The following SPTAN1 variants were observed in gnomAD, a reference collection of about 807,000 sequenced individuals.
SPTAN1 encodes the protein spectrin alpha chain, non-erythrocytic 1.
A neutral mutation model predicts 331.3 loss-of-function variants in SPTAN1; 61 were observed. That is an observed-to-expected ratio of 0.18 (90% CI 0.15 to 0.23). The LOEUF (loss-of-function observed/expected upper bound fraction) is 0.23, where lower values mean the gene tolerates loss of function less well. Among genes scored for constraint, SPTAN1 ranks in the 10% least tolerant of loss-of-function variants. SPTAN1 has a pLI of 1.00. For synonymous variants in SPTAN1, 1,153 were observed against 1,173.9 expected (o/e 0.98, Z 0.36); for missense variants, 2,043 against 3,147.9 (o/e 0.65, Z 8.40).
chr9:128,571,676 T>G (rs992243451), intron 3 of SPTAN1, among the ~76,000 whole-genome samples: 2 of 152,208 alleles, frequency 1.3e-5, no homozygotes, highest in Non-Finnish European at 2.9e-5. Context: ...ACAGTTACTT[T>G]GCTAACCTCT....
chr9:128,626,296 CT>C, intron 48 of SPTAN1, 94 bp from the exon 49 acceptor site: 1 of 1,474,654 alleles, frequency 6.8e-7, no homozygotes, highest in South Asian at 1.1e-5. Context: ...GTGTGCGCCT[CT>C]GATTCCCAGG....
At chr9:128,631,849 T>C (rs1210207300) in intron 52 of SPTAN1, 7 of 483,320 alleles carry the variant, frequency 1.4e-5, no homozygotes, top group Admixed American at 1.1e-4. Context: ...TGGCCACTGC[T>C]TCCTGGAGTC....
At chr9:128,589,645 A>G (rs2131283717) in intron 21 of SPTAN1, among the ~76,000 whole-genome samples, 1 of 138,150 alleles carries the variant, frequency 7.2e-6, no homozygotes, top group South Asian at 2.4e-4. Flanking sequence ...GCATGATCTC[A>G]GCTCACTACA....
At chr9:128,613,001 T>C (rs1015794281) in intron 39 of SPTAN1, among the ~76,000 whole-genome samples, 2 of 152,174 alleles carry the variant, frequency 1.3e-5, no homozygotes, top group Non-Finnish European at 2.9e-5. Flanking sequence ...CATTCCCATA[T>C]TGTTGGACAT....
Position 128,606,472 on chromosome 9 carries a change from CAT to C in SPTAN1, c.4046+1010_4046+1011del, listed in dbSNP as rs71923773. Among the ~76,000 whole-genome samples the C allele has an allele frequency of 6.4e-3, 803 of 125,924 alleles. 9 individuals carry two copies. Among genetic ancestry groups the C allele is most frequent in the African/African-American group, 0.014 (443 of 31,018 alleles). 82.6% of individuals were successfully genotyped at this position (125,924 alleles called of 152,430 possible). ...ATATGACATTATATTTTTCCCTAGACATATATATATATATATTTTTTTTTTGG... is the reference window on the plus strand; with the variant it reads ...ATATGACATTATATTTTTCCCTAGACATATATATATATATTTTTTTTTTGG... On this transcript the variant is annotated intron_variant, in intron 31 of 56. Coordinates refer to ENST00000372739, the MANE Select transcript of SPTAN1 (RefSeq NM_001130438.3).
Position 128,575,311 on chromosome 9 carries a change from A to T in SPTAN1, c.617A>T (p.Asn206Ile), listed in dbSNP as rs752726486. The change falls in exon 5 of 57, where the codon AAT becomes ATT. Residue 206 changes from asparagine to isoleucine, a missense_variant. Asn to Ile is a moderately radical substitution (Grantham distance 149). This residue lies in a region of SPTAN1 where 1,038 missense variants were observed against 1,531.5 expected (regional missense o/e 0.68). Coordinates refer to ENST00000372739, the MANE Select transcript of SPTAN1 (RefSeq NM_001130438.3). ...TDMAAHEERVNEVNQFAAKLI... is the reference protein window; with the variant it reads ...TDMAAHEERVIEVNQFAAKLI... ...ATGGCTGCTCATGAAGAAAGAGTTA[A>T]TGAAGTGAACCAGTTTGCTGCCAAA... 6.2e-7 allele frequency: 1 copy of T among 1,613,714 alleles called. No individual in the cohort carries two copies. The highest frequency in any genetic ancestry group is 1.7e-5 in the Admixed American group (1 of 60,034).
chr9:128,605,729 C>T (rs945570991), intron 31 of SPTAN1, among the ~76,000 whole-genome samples: 2 of 152,130 alleles, frequency 1.3e-5, no homozygotes, highest in Admixed American at 6.5e-5. Context: ...CAGTGGCTCA[C>T]GTCTATAACC....
chr9:128,580,280 C>T (rs1373280800), intron 10 of SPTAN1, among the ~76,000 whole-genome samples: 1 of 147,130 alleles, frequency 6.8e-6, no homozygotes, highest in Non-Finnish European at 1.5e-5. Context: ...GACCCTGTCT[C>T]TAAAAAAAAA....
intron 9 of SPTAN1, among the ~76,000 whole-genome samples, chr9:128,579,029 CTA>C (rs1851642487): frequency 6.6e-6 from 1 of 151,866 alleles, no homozygotes; most frequent in African/African-American, 2.4e-5. Flanking sequence ...CTGGAGAAAA[CTA>C]TAAAACTTTG....
chr9:128,593,344 G>A (rs1191292759), intron 23 of SPTAN1: 8 of 462,070 alleles, frequency 1.7e-5, no homozygotes, highest in Middle Eastern at 6.2e-4. Context: ...CTGAAGGCCT[G>A]TTCTATAGTT....
In SPTAN1 at chr9:128,566,730, C is replaced by A; in HGVS notation, c.-3-8C>A. 1.2e-6 allele frequency: 2 copies of A among 1,614,032 alleles called. No individual in the cohort carries two copies. The highest frequency in any genetic ancestry group is 2.2e-5 in the South Asian group (2 of 90,962). ...TGGTACTTATCTCAGCGCATTTTGTCATTTCAGAAAATGGACCCAAGTGGG... is the reference window on the plus strand; with the variant it reads ...TGGTACTTATCTCAGCGCATTTTGTAATTTCAGAAAATGGACCCAAGTGGG... On this transcript the variant is annotated splice_region_variant and splice_polypyrimidine_tract_variant and intron_variant, in intron 1 of 56. Transcript: ENST00000372739.
At chr9:128,631,890 C>T in intron 52 of SPTAN1, 2 of 569,504 alleles carry the variant, frequency 3.5e-6, no homozygotes, top group Non-Finnish European at 6.3e-6. Context: ...CGTGCACTGC[C>T]CTCTGGCAGG....
chr9:128,624,420 G>A lies in SPTAN1; in HGVS notation c.5925G>A (p.Ala1975=), dbSNP rs11543345. 2,397 of 1,614,004 alleles carry A rather than the reference G, an allele frequency of 1.5e-3. 37 individuals are homozygous for A. In the African/African-American group the frequency reaches 0.027, roughly 18 times the overall value. The change falls in exon 46 of 57, where the codon GCG becomes GCA. Residue 1975 remains alanine, a synonymous_variant. Coordinates refer to ENST00000372739, the MANE Select transcript of SPTAN1 (RefSeq NM_001130438.3). ...AGAAAGCTGCAGCCCAGAGAAAGGC[G>A]AAGCTGGATGAGAACTCGGCCTTCC... is the stretch of plus-strand genomic sequence containing the variant. The part of the protein sequence containing the change: ...DLEKAAAQRK[A]KLDENSAFLQ...
chr9:128,577,643 A>C lies in SPTAN1; in HGVS notation c.1085+137A>C, dbSNP rs1383717740. On this transcript the variant is annotated intron_variant, in intron 8 of 56. Coordinates refer to ENST00000372739, the MANE Select transcript of SPTAN1 (RefSeq NM_001130438.3). This position sits in a 1 kb window ranked among gnomAD's most constrained non-coding sequence, Gnocchi z 4.2. Reference sequence around the variant, plus strand: ...TACAAATGCAAATCACTTCTTACCTATGTTCTCTCTGTTTGGAGACTGGCA... The same window carrying C: ...TACAAATGCAAATCACTTCTTACCTCTGTTCTCTCTGTTTGGAGACTGGCA... The C allele has an allele frequency of 2.5e-6, 3 of 1,181,582 alleles. No homozygotes were observed. Among genetic ancestry groups the C allele is most frequent in the Non-Finnish European group, 3.7e-6 (3 of 808,108 alleles). The allele number at this position is 1,181,582 out of a possible 1,614,324, so 73.2% of individuals were successfully genotyped here.
chr9:128,616,345 C>A (rs2131758029), intron 41 of SPTAN1, among the ~76,000 whole-genome samples: 1 of 151,656 alleles, frequency 6.6e-6, no homozygotes, highest in Non-Finnish European at 1.5e-5. Context: ...CTCGAGCTGA[C>A]CTCACCTGAC....
intron 1 of SPTAN1, among the ~76,000 whole-genome samples, chr9:128,554,678 A>C (rs1344761711): frequency 6.6e-6 from 1 of 152,220 alleles, no homozygotes; most frequent in Non-Finnish European, 1.5e-5. Flanking sequence ...GTTGCAGCAT[A>C]TCAGCTGCGG....
rs979356837 is a variant in SPTAN1, at chr9:128,577,970, G to A, written c.1086-140G>A. ...TGCTTTCCTTCACAGTCTAGATTGGGAAATTTTCATATTTCCCAGAATTAG... is the reference window on the plus strand; with the variant it reads ...TGCTTTCCTTCACAGTCTAGATTGGAAAATTTTCATATTTCCCAGAATTAG... On this transcript the variant is annotated intron_variant, in intron 8 of 56. Transcript: ENST00000372739. This position sits in a 1 kb window ranked among gnomAD's most constrained non-coding sequence, Gnocchi z 4.2. The A allele has an allele frequency of 1.8e-5, 20 of 1,132,696 alleles. No individual in the cohort carries two copies. In the African/African-American group the frequency reaches 2.1e-4, roughly 12 times the overall value. The allele number at this position is 1,132,696 out of a possible 1,614,324, so 70.2% of individuals were successfully genotyped here.
At chr9:128,630,166 G>C (rs894271520) in intron 51 of SPTAN1, 155 bp from the exon 52 acceptor site, 1 of 823,894 alleles carries the variant, frequency 1.2e-6, no homozygotes, top group Non-Finnish European at 2.2e-6. Context: ...CGATCCCTGG[G>C]GCCCATTAGG....
At position 128,627,655 on chromosome 9, in the gene SPTAN1, C is replaced by T. The variant is rs936217728; in HGVS notation, c.6689+157C>T. 4 of 832,122 alleles carry T rather than the reference C, an allele frequency of 4.8e-6. No individual in the cohort carries two copies. Among genetic ancestry groups the T allele is most frequent in the African/African-American group, 3.4e-5 (2 of 59,554 alleles). 51.5% of individuals were successfully genotyped at this position (832,122 alleles called of 1,614,324 possible). ...GCAACGCCTGGTCGGGCTCTGGAGC[C>T]GGGAGTGGGGGCATAGGTGGAGCAG... On this transcript the variant is annotated intron_variant, in intron 50 of 56. Coordinates refer to ENST00000372739, the MANE Select transcript of SPTAN1 (RefSeq NM_001130438.3). The surrounding 1 kb of genome is among the most constrained non-coding windows in gnomAD (Gnocchi z 4.9).
Sources: gnomAD v4.1 joint callset for allele counts (sites outside exome capture counted in the v4.1 genomes callset) on GRCh38, gnomAD v4.1.1 for gene constraint, gnomAD v4.1.1 regional missense constraint, Gnocchi (gnomAD v3.1) non-coding constraint, MANE v1.5 for transcripts, NCBI Gene and HGNC (gene_info 2026-07-23, HGNC 2026-07-21) for gene names.